SLC35A5: variants seen among roughly 807,000 people sequenced by gnomAD.
The protein encoded by SLC35A5 is solute carrier family 35 member A5.
Under a neutral mutation model 36.3 loss-of-function variants are expected in SLC35A5, and 28 were observed. The observed-to-expected ratio is 0.77, with a 90% CI of 0.57 to 1.06. The LOEUF is 1.06. SLC35A5 is among the 50% of genes least tolerant of loss of function. The probability of loss-of-function intolerance (pLI) is 0.00; values close to 1 mark genes in which losing one functional copy is unlikely to be tolerated. For synonymous variants in SLC35A5, 180 were observed against 173.7 expected (o/e 1.04, Z -0.29); for missense variants, 521 against 499.3 (o/e 1.04, Z -0.41).
At chr3:112,565,283 A>G (rs1053226469) in intron 2 of SLC35A5, among the ~76,000 whole-genome samples, 1 of 152,222 alleles carries the variant, frequency 6.6e-6, no homozygotes, top group African/African-American at 2.4e-5. Flanking sequence ...GGATAAAGTT[A>G]TATATTCTGT....
intron 3 of SLC35A5, among the ~76,000 whole-genome samples, chr3:112,569,927 A>G (rs1198913105): frequency 1.3e-5 from 2 of 152,194 alleles, no homozygotes; most frequent in Non-Finnish European, 2.9e-5. Flanking sequence ...ATGTCTTTTC[A>G]TATTCCAGGG....
intron 6 of SLC35A5, 70 bp downstream of exon 6, chr3:112,581,396 A>G (rs2107449825): frequency 1.4e-6 from 2 of 1,444,896 alleles, no homozygotes; most frequent in African/African-American, 1.4e-5. Flanking sequence ...TCAAGGAAAA[A>G]AATAAAATCA....
chr3:112,563,773 C>A (rs987305933), intron 2 of SLC35A5, among the ~76,000 whole-genome samples: 1 of 152,166 alleles, frequency 6.6e-6, no homozygotes, highest in African/African-American at 2.4e-5. Flanking sequence ...AAGAACCAGT[C>A]GTAACATTTG....
intron 5 of SLC35A5, among the ~76,000 whole-genome samples, chr3:112,575,758 CT>C (rs36050657): frequency 0.12 from 15,949 of 128,028 alleles, 1,302 homozygotes; most frequent in African/African-American, 0.35. Flanking sequence ...TATTTTATTA[CT>C]TTTTTTTTTT....
chr3:112,563,861 A>G (rs1245766387), intron 2 of SLC35A5, among the ~76,000 whole-genome samples: 3 of 142,016 alleles, frequency 2.1e-5, no homozygotes, highest in Admixed American at 2.0e-4. Flanking sequence ...GTAGAAGGAT[A>G]TATTTGTTTG....
upstream of SLC35A5, chr3:112,561,710 C>G (rs1933895376): frequency 1.6e-6 from 1 of 623,068 alleles, no homozygotes; most frequent in African/African-American, 2.0e-5. Flanking sequence ...GCGGCAGGCA[C>G]AGCGCGCGAA....
chr3:112,575,357 C>T (rs1934618458), intron 5 of SLC35A5, among the ~76,000 whole-genome samples: 1 of 152,062 alleles, frequency 6.6e-6, no homozygotes. Flanking sequence ...TTACTAAAGA[C>T]TAAAAGTATG....
chr3:112,561,741 C>T, upstream of SLC35A5: 1 of 554,944 alleles, frequency 1.8e-6, no homozygotes, highest in Admixed American at 3.6e-5. Context: ...GCGATCCTCG[C>T]ACCCCAGGCA....
intron 4 of SLC35A5, among the ~76,000 whole-genome samples, chr3:112,571,983 C>T (rs1046105198): frequency 2.5e-5 from 3 of 121,628 alleles, no homozygotes; most frequent in Non-Finnish European, 4.8e-5. Flanking sequence ...TCGCCCAGGC[C>T]GGACTACGGA....
chr3:112,563,721 GA>G (rs1934059682), intron 2 of SLC35A5, among the ~76,000 whole-genome samples, 188 bp downstream of exon 2: 1 of 152,260 alleles, frequency 6.6e-6, no homozygotes, highest in Non-Finnish European at 1.5e-5. Context: ...GATAATGGAT[GA>G]AATGTGAGTC....
chr3:112,583,358 A>T lies in SLC35A5; in HGVS notation c.*622A>T, dbSNP rs1024310944. The T allele has an allele frequency of 5.3e-6, 2 of 379,910 alleles. No homozygotes were observed. Among genetic ancestry groups the T allele is most frequent in the African/African-American group, 2.1e-5 (1 of 48,192 alleles). 23.5% of individuals were successfully genotyped at this position (379,910 alleles called of 1,614,324 possible). A position where few individuals can be genotyped will look rare whatever the true frequency, so the allele number is the denominator to read the frequency against. The stretch of plus-strand genomic sequence containing the variant: ...TCAGAATTTTAATTTTTAGAAATTC[A>T]TGGGAAATTGGATTTTTGTAATAAT... On this transcript the variant is annotated 3_prime_UTR_variant, in exon 7 of 7. Transcript: ENST00000492406.
In SLC35A5 at chr3:112,580,996, T is replaced by A. The variant is rs750181693; in HGVS notation, c.879T>A (p.Ile293=). Residue 293 remains isoleucine, a synonymous_variant, in exon 6 of 7, where the codon ATT becomes ATA. Transcript: ENST00000492406. ...TTCAGAGGAGTAACCGTGATCAGAT[T>A]AAGAACTGTGGATTTTTTTATGGCC... ...LGLQRSNRDQ[I]KNCGFFYGHS... The A allele has an allele frequency of 2.5e-6, 4 of 1,614,036 alleles. No homozygotes were observed. The East Asian group carries it at 8.9e-5, about 36-fold the overall frequency.
rs1207530778 is a variant in SLC35A5, at chr3:112,563,489, TAAGCTC to T, written c.90_95del (p.Ser31_Ser32del). 6.2e-6 allele frequency: 10 copies of T among 1,608,180 alleles called. No individual in the cohort carries two copies. In the East Asian group the frequency reaches 2.2e-4, roughly 36 times the overall value. Reference sequence around the variant, plus strand: ...CTGCTAGGTGCCATATTCATTGCTTTAAGCTCAAGTCGCATCTTACTAGTGAAGTAT... The same window carrying T: ...CTGCTAGGTGCCATATTCATTGCTTTAAGTCGCATCTTACTAGTGAAGTAT... On this transcript the variant is annotated inframe_deletion, in exon 2 of 7. Coordinates refer to ENST00000492406, the MANE Select transcript of SLC35A5 (RefSeq NM_017945.5).
rs544108780 is a variant in SLC35A5, at chr3:112,566,192, T to G, written c.130+2659T>G. Among the ~76,000 whole-genome samples the G allele has an allele frequency of 3.3e-5, 5 of 152,008 alleles. No homozygotes were observed. In the East Asian group the frequency reaches 9.7e-4, roughly 29 times the overall value. ...CAAGGTTTCTGGTTTGAATGCTGAG[T>G]GGATTGATGCTGTTCTTAGCTGAGA... On this transcript the variant is annotated intron_variant, in intron 2 of 6. Transcript: ENST00000492406.
At chr3:112,569,483 A>G (rs904147743) in intron 3 of SLC35A5, among the ~76,000 whole-genome samples, 6 of 152,130 alleles carry the variant, frequency 3.9e-5, no homozygotes, top group African/African-American at 1.4e-4. Flanking sequence ...TGGGACACCA[A>G]CTCATGTTTC....
Position 112,582,698 on chromosome 3 carries a change from A to G in SLC35A5, c.1237A>G (p.Lys413Glu). Residue 413 changes from lysine (K) to glutamate (E), a missense_variant, in exon 7 of 7, where the codon AAA becomes GAA. Physicochemically the swap from Lys to Glu is moderately conservative, Grantham distance 56 (BLOSUM62 1). Transcript: ENST00000492406. The part of the protein sequence containing the change: ...GDGEELERLT[K>E]PKSDESDEDT... ...TGGAGAAGAACTAGAAAGACTTACC[A>G]AACCCAAGAGTGATGAGTCAGATGA... 6.2e-7 allele frequency: 1 copy of G among 1,612,936 alleles called. No individual in the cohort carries two copies. Among genetic ancestry groups the G allele is most frequent in the Non-Finnish European group, 8.5e-7 (1 of 1,179,230 alleles).
chr3:112,575,767 T>G (rs1020545355), intron 5 of SLC35A5, among the ~76,000 whole-genome samples: 3 of 149,648 alleles, frequency 2.0e-5, no homozygotes. Context: ...ACTTTTTTTT[T>G]TTTTTTTTTT....
chr3:112,582,835 T>G lies in SLC35A5; in HGVS notation c.*99T>G. The G allele has an allele frequency of 9.6e-7, 1 of 1,039,238 alleles. No individual in the cohort carries two copies. Among genetic ancestry groups the G allele is most frequent in the Admixed American group, 2.0e-5 (1 of 50,256 alleles). The allele number at this position is 1,039,238 out of a possible 1,614,324, so 64.4% of individuals were successfully genotyped here. A position where few individuals can be genotyped will look rare whatever the true frequency, so the allele number is the denominator to read the frequency against. On this transcript the variant is annotated 3_prime_UTR_variant, in exon 7 of 7. Coordinates refer to ENST00000492406, the MANE Select transcript of SLC35A5 (RefSeq NM_017945.5). ...CACTTTGATAAACCAGAAATGTTTC[T>G]AAATCCTAATATTCTTTGCATATAT...
chr3:112,569,154 T>A lies in SLC35A5; in HGVS notation c.131-17T>A. The A allele has an allele frequency of 6.3e-7, 1 of 1,587,370 alleles. No homozygotes were observed. Among genetic ancestry groups the A allele is most frequent in the Non-Finnish European group, 8.6e-7 (1 of 1,156,840 alleles). The stretch of plus-strand genomic sequence containing the variant: ...GAATAAAATATATAGTTAAAAAACA[T>A]TTCTGTTACATTTCAGAAAACAAGT... On this transcript the variant is annotated splice_polypyrimidine_tract_variant and intron_variant, in intron 2 of 6. Coordinates refer to ENST00000492406, the MANE Select transcript of SLC35A5 (RefSeq NM_017945.5).
Sources: allele counts gnomAD v4.1 joint callset (sites outside exome capture counted in the v4.1 genomes callset), GRCh38; gene constraint gnomAD v4.1.1; transcripts MANE v1.5; gene names NCBI Gene and HGNC (gene_info 2026-07-23, HGNC 2026-07-21).